The following ZFYVE28 variants were observed in gnomAD, a reference collection of about 807,000 sequenced individuals.
ZFYVE28 encodes the protein zinc finger FYVE-type containing 28.
ZFYVE28 carries 40 observed loss-of-function variants against 82.1 expected under a neutral mutation model. The observed-to-expected ratio is 0.49, with a 90% CI of 0.38 to 0.63. The LOEUF is 0.63. Ranked by LOEUF, ZFYVE28 falls within the 30% of genes least tolerant of loss-of-function variation. The pLI, the probability that ZFYVE28 is intolerant of heterozygous loss-of-function variation, is 0.00. For missense variants in ZFYVE28, 1,321 were observed against 1,242.1 expected, an observed-to-expected ratio of 1.06 and a Z score of -0.96; for synonymous variants, 612 against 546.1, an observed-to-expected ratio of 1.12 and a Z score of -1.68.
intron 1 of ZFYVE28, among the ~76,000 whole-genome samples, chr4:2,377,599 C>T (rs989572194): frequency 2.7e-4 from 41 of 152,210 alleles, no homozygotes; most frequent in African/African-American, 9.7e-4. Flanking sequence ...TTCGGGGCTG[C>T]CAGTCGCCTT....
intron 6 of ZFYVE28, among the ~76,000 whole-genome samples, chr4:2,321,276 A>G (rs1221702274): frequency 6.6e-6 from 1 of 152,156 alleles, no homozygotes; most frequent in Non-Finnish European, 1.5e-5. Flanking sequence ...AGGTCCAGCC[A>G]ACACCGAGTC....
At chr4:2,386,777 G>A (rs963976) in intron 1 of ZFYVE28, among the ~76,000 whole-genome samples, 2 of 152,034 alleles carry the variant, frequency 1.3e-5, no homozygotes, top group Non-Finnish European at 2.9e-5. Context: ...CCAGTCTCAG[G>A]TATTTCATTA....
intron 1 of ZFYVE28, among the ~76,000 whole-genome samples, chr4:2,355,515 C>T (rs180981219): frequency 4.0e-5 from 6 of 151,038 alleles, no homozygotes; most frequent in East Asian, 2.0e-4. Flanking sequence ...CTCCTGACCT[C>T]GTGATCCACC....
intron 8 of ZFYVE28, among the ~76,000 whole-genome samples, chr4:2,294,323 T>C (rs1714214487): frequency 6.6e-6 from 1 of 152,160 alleles, no homozygotes; most frequent in Non-Finnish European, 1.5e-5. Context: ...AAGATAAAAA[T>C]GCAAAGGCAA....
In ZFYVE28 at chr4:2,352,470, C is replaced by T. The variant is rs552620876; in HGVS notation, c.180+1463G>A. 5.7e-4 allele frequency among the ~76,000 whole-genome samples: 86 copies of T among 151,842 alleles called. No individual in the cohort carries two copies. The Middle Eastern group carries it at 0.01, about 18-fold the overall frequency. On this transcript the variant is annotated intron_variant, in intron 2 of 12. Coordinates refer to ENST00000290974, the MANE Select transcript of ZFYVE28 (RefSeq NM_020972.3). The stretch of plus-strand genomic sequence containing the variant: ...GGGTCACAAAGGAGCCAGTGGGATA[C>T]GAGATGAGCCAGAGGCAGGGCCCTG...
intron 1 of ZFYVE28, among the ~76,000 whole-genome samples, chr4:2,365,661 C>T (rs926180042): frequency 1.2e-4 from 19 of 152,264 alleles, no homozygotes; most frequent in East Asian, 5.8e-4. Flanking sequence ...TGCTGGAAGA[C>T]GGCCAGCACT....
chr4:2,359,573 C>T (rs1489992200), intron 1 of ZFYVE28, among the ~76,000 whole-genome samples: 20 of 152,188 alleles, frequency 1.3e-4, no homozygotes, highest in Admixed American at 1.3e-3. Flanking sequence ...TGGCCAAAGG[C>T]GGTGTCTGCA....
At chr4:2,315,108 A>G (rs1056433900) in intron 7 of ZFYVE28, among the ~76,000 whole-genome samples, 3 of 150,842 alleles carry the variant, frequency 2.0e-5, no homozygotes, top group Non-Finnish European at 4.4e-5. Context: ...ATCTGATACA[A>G]TTTTTTTTTC....
chr4:2,402,554 AGTCG>A (rs1731310887), intron 1 of ZFYVE28, among the ~76,000 whole-genome samples: 1 of 152,222 alleles, frequency 6.6e-6, no homozygotes, highest in South Asian at 2.1e-4. Flanking sequence ...ACTGTTTCAT[AGTCG>A]GATCCACAAA....
At chr4:2,387,293 C>T in intron 1 of ZFYVE28, among the ~76,000 whole-genome samples, 1 of 152,246 alleles carries the variant, frequency 6.6e-6, no homozygotes, top group East Asian at 1.9e-4. Context: ...CACCTCTGCA[C>T]CTCAGTCTCA....
intron 1 of ZFYVE28, among the ~76,000 whole-genome samples, chr4:2,398,036 A>AC (rs1553865009): frequency 1.6e-5 from 2 of 121,764 alleles, no homozygotes; most frequent in African/African-American, 3.3e-5. Flanking sequence ...GTGAGATGGG[A>AC]GGGGGGGTCC....
At chr4:2,348,284 A>G (rs1048137176) in intron 2 of ZFYVE28, among the ~76,000 whole-genome samples, 12 of 152,242 alleles carry the variant, frequency 7.9e-5, no homozygotes, top group African/African-American at 2.2e-4. Flanking sequence ...TGAAAACCCT[A>G]TATTTATTCA....
chr4:2,418,185 G>T lies in ZFYVE28; in HGVS notation c.39+100C>A. 9 of 1,183,244 alleles carry T rather than the reference G, an allele frequency of 7.6e-6. No individual in the cohort carries two copies. The highest frequency in any genetic ancestry group is 3.2e-5 in the East Asian group (1 of 31,526). The allele number at this position is 1,183,244 out of a possible 1,614,324, so 73.3% of individuals were successfully genotyped here. A position where few individuals can be genotyped will look rare whatever the true frequency, so the allele number is the denominator to read the frequency against. On this transcript the variant is annotated intron_variant, in intron 1 of 12. Coordinates refer to ENST00000290974, the MANE Select transcript of ZFYVE28 (RefSeq NM_020972.3). This position sits in a 1 kb window ranked among gnomAD's most constrained non-coding sequence, Gnocchi z 4.6. ...GGCGGTGGGGGAAGAGGCCGGCCAC[G>T]GACAGGGAAAGGGAGTCCGTCTTGT...
rs1720935025 is a variant in ZFYVE28 at position 2,332,870 on chromosome 4, C to T, written c.701+2835G>A. ...GTTGCAGTGGCAGCCTGGTGCACCC[C>T]ACGGTTCCTCGTATCCACAGCCTGG... is the stretch of plus-strand genomic sequence containing the variant. On this transcript the variant is annotated intron_variant, in intron 6 of 12. Transcript: ENST00000290974. This position sits in a 1 kb window ranked among gnomAD's most constrained non-coding sequence, Gnocchi z 4.7. Among the ~76,000 whole-genome samples, 1 of 152,136 alleles carries T rather than the reference C, an allele frequency of 6.6e-6. No homozygotes were observed. Among genetic ancestry groups the T allele is most frequent in the Admixed American group, 6.5e-5 (1 of 15,282 alleles).
Position 2,335,737 on chromosome 4 carries a change from G to A in ZFYVE28, c.669C>T (p.Leu223=), listed in dbSNP as rs1721580591. 6.3e-7 allele frequency: 1 copy of A among 1,577,330 alleles called. No homozygotes were observed. The highest frequency in any genetic ancestry group is 8.6e-7 in the Non-Finnish European group (1 of 1,161,462). Residue 223 remains leucine, a synonymous_variant, in exon 6 of 13, where the codon CTC becomes CTT. Coordinates refer to ENST00000290974, the MANE Select transcript of ZFYVE28 (RefSeq NM_020972.3). This position sits in a 1 kb window ranked among gnomAD's most constrained non-coding sequence, Gnocchi z 5.8. Reference sequence around the variant, plus strand: ...TGGCCAGCCTGGGGATGCTGAACATGAGGGCCGGCTCGTAGTCATCAATCA... The same window carrying A: ...TGGCCAGCCTGGGGATGCTGAACATAAGGGCCGGCTCGTAGTCATCAATCA... ...QDMIDDYEPA[L]MFSIPRLAIV...
Position 2,320,017 on chromosome 4 carries a change from G to A in ZFYVE28, c.803+153C>T, listed in dbSNP as rs1473509558. ...CAGGACTCTGTGACCCCCATGGGTC[G>A]TTTGTGACCCCTCCCTAGGGAATAT... On this transcript the variant is annotated intron_variant, in intron 7 of 12. Transcript: ENST00000290974. The surrounding 1 kb of genome is among the most constrained non-coding windows in gnomAD (Gnocchi z 5.1). Among the ~76,000 whole-genome samples, 18 of 152,290 alleles carry A rather than the reference G, an allele frequency of 1.2e-4. 1 individual carries two copies. Among genetic ancestry groups the A allele is most frequent in the South Asian group, 6.2e-4 (3 of 4,830 alleles).
At chr4:2,363,251 C>T (rs1175047078) in intron 1 of ZFYVE28, among the ~76,000 whole-genome samples, 3 of 152,190 alleles carry the variant, frequency 2.0e-5, no homozygotes, top group African/African-American at 7.2e-5. Context: ...CAGGAATGTT[C>T]TCCAGGGGGC....
chr4:2,337,965 T>C (rs1722120613), intron 4 of ZFYVE28, among the ~76,000 whole-genome samples: 1 of 152,126 alleles, frequency 6.6e-6, no homozygotes. Flanking sequence ...GGCCTTCCCT[T>C]GAAACCCCAG....
chr4:2,396,479 T>C (rs58908699), intron 1 of ZFYVE28, among the ~76,000 whole-genome samples: 4 of 4,280 alleles, frequency 9.3e-4, no homozygotes, highest in Admixed American at 3.9e-3. Context: ...GGACACAAGG[T>C]GGGGGTGTCT....
Sources: allele counts gnomAD v4.1 joint callset (sites outside exome capture counted in the v4.1 genomes callset), GRCh38; gene constraint gnomAD v4.1.1; non-coding constraint Gnocchi (gnomAD v3.1); transcripts MANE v1.5; gene names NCBI Gene and HGNC (gene_info 2026-07-23, HGNC 2026-07-21).